Variants in MACC1 observed in about 807,000 individuals in gnomAD.
MACC1 encodes the protein metastasis-associated in colon cancer protein 1.
In MACC1, 79 loss-of-function variants were observed where a neutral mutation model predicts 70.7. That is an observed-to-expected ratio of 1.12 (90% CI 0.93 to 1.35). The LOEUF is 1.35. MACC1 is among the 40% of genes most tolerant of loss of function. The probability of loss-of-function intolerance (pLI) is 0.00; values close to 1 mark genes in which losing one functional copy is unlikely to be tolerated. For synonymous variants in MACC1, 361 were observed against 347.2 expected, an observed-to-expected ratio of 1.04 and a Z score of -0.44; for missense variants, 1,106 against 978.1, an observed-to-expected ratio of 1.13 and a Z score of -1.74.
At chr7:20,203,925 A>G (rs1476478998) in intron 1 of MACC1, among the ~76,000 whole-genome samples, 2 of 152,218 alleles carry the variant, frequency 1.3e-5, no homozygotes, top group Admixed American at 6.5e-5. Context: ...TACCTTCATA[A>G]GCAATGTGGG....
intron 6 of MACC1, among the ~76,000 whole-genome samples, chr7:20,148,363 TA>T (rs1781924942): frequency 6.6e-6 from 1 of 152,202 alleles, no homozygotes; most frequent in South Asian, 2.1e-4. Context: ...GCCATTTTAC[TA>T]AAGTATTGCC....
intron 6 of MACC1, among the ~76,000 whole-genome samples, chr7:20,150,771 G>C (rs550456569): frequency 5.2e-4 from 79 of 152,346 alleles, no homozygotes; most frequent in African/African-American, 1.7e-3. Context: ...AGTGAGGCCA[G>C]AGTGGTGGCT....
chr7:20,177,145 G>C (rs1210321844), intron 1 of MACC1, among the ~76,000 whole-genome samples: 1 of 152,030 alleles, frequency 6.6e-6, no homozygotes, highest in Non-Finnish European at 1.5e-5. Flanking sequence ...AAGGTATATA[G>C]GATTTTGTAC....
chr7:20,202,739 A>C (rs1165247786), intron 1 of MACC1, among the ~76,000 whole-genome samples: 1 of 152,200 alleles, frequency 6.6e-6, no homozygotes, highest in African/African-American at 2.4e-5. Flanking sequence ...TGAACACTTG[A>C]AATCGAGCTA....
chr7:20,160,252 A>T lies in MACC1; in HGVS notation c.116-7T>A, dbSNP rs984754376. Reference sequence around the variant, plus strand: ...AAGTCTGGGTCCTGGCATTCTTGTTATTTAAGGAAAGACAAAGCAAAACAA... The same window carrying T: ...AAGTCTGGGTCCTGGCATTCTTGTTTTTTAAGGAAAGACAAAGCAAAACAA... On this transcript the variant is annotated splice_region_variant and splice_polypyrimidine_tract_variant and intron_variant, in intron 4 of 6. Coordinates refer to ENST00000400331, the MANE Select transcript of MACC1 (RefSeq NM_182762.4). 6.5e-7 allele frequency: 1 copy of T among 1,535,202 alleles called. No homozygotes were observed. Among genetic ancestry groups the T allele is most frequent in the African/African-American group, 1.4e-5 (1 of 71,976 alleles).
chr7:20,180,243 G>C (rs1782481210), intron 1 of MACC1, among the ~76,000 whole-genome samples: 1 of 151,840 alleles, frequency 6.6e-6, no homozygotes, highest in Non-Finnish European at 1.5e-5. Flanking sequence ...AAGAGATTGA[G>C]ACCATCCTGG....
intron 1 of MACC1, among the ~76,000 whole-genome samples, chr7:20,185,758 C>T (rs1337671302): frequency 6.6e-6 from 1 of 152,168 alleles, no homozygotes; most frequent in Non-Finnish European, 1.5e-5. Context: ...ACTGGTCATG[C>T]TTTGTGCAGG....
At position 20,138,840 on chromosome 7, in the gene MACC1, T is replaced by G. The variant is rs1368574767; in HGVS notation, c.*2106A>C. The stretch of plus-strand genomic sequence containing the variant: ...GGCGCCTGCCACCACGCCCGGCTAA[T>G]TTTTTGTATTTTTAGTAGAGACGGG... On this transcript the variant is annotated 3_prime_UTR_variant, in exon 7 of 7. Coordinates refer to ENST00000400331, the MANE Select transcript of MACC1 (RefSeq NM_182762.4). 2 of 152,030 alleles carry G rather than the reference T, an allele frequency of 1.3e-5. No homozygotes were observed. The highest frequency in any genetic ancestry group is 3.2e-3 in the Middle Eastern group (1 of 316). The allele number at this position is 152,030 out of a possible 1,614,324, so 9.4% of individuals were successfully genotyped here. A position where few individuals can be genotyped will look rare whatever the true frequency, so the allele number is the denominator to read the frequency against.
chr7:20,198,500 G>C (rs1216195984), intron 1 of MACC1: 2 of 152,202 alleles, frequency 1.3e-5, no homozygotes, highest in East Asian at 3.8e-4. Flanking sequence ...GGATCAATTG[G>C]CCAATGTAAA....
rs774604949 is a variant in MACC1 at position 20,161,868 on chromosome 7, C to T, written c.-6G>A. ...TTTCTTTCAGTGATTAGCATTTTTCCACCTACAAAGTAAATAGATAAGTAT... is the reference window on the plus strand; with the variant it reads ...TTTCTTTCAGTGATTAGCATTTTTCTACCTACAAAGTAAATAGATAAGTAT... On this transcript the variant is annotated splice_region_variant and 5_prime_UTR_variant, in exon 4 of 7. An upstream open reading frame in the 5' UTR gains an earlier in-frame stop. Coordinates refer to ENST00000400331, the MANE Select transcript of MACC1 (RefSeq NM_182762.4). 2 of 1,578,894 alleles carry T rather than the reference C, an allele frequency of 1.3e-6. No homozygotes were observed. The highest frequency in any genetic ancestry group is 8.7e-7 in the Non-Finnish European group (1 of 1,148,800).
In MACC1 at chr7:20,171,882, G is replaced by A. The variant is rs116952557; in HGVS notation, c.-217-1104C>T. ...TTCAAAATTTCACTTATTTCAACAC[G>A]GTATCAAGTGATGATGTGAGTTACA... On this transcript the variant is annotated intron_variant, in intron 1 of 6. Transcript: ENST00000400331. 8.2e-3 allele frequency among the ~76,000 whole-genome samples: 1,251 copies of A among 152,200 alleles called. 30 individuals are homozygous for A. Among genetic ancestry groups the A allele is most frequent in the Admixed American group, 0.038 (588 of 15,280 alleles).
Position 20,138,550 on chromosome 7 carries a change from TGC to T in MACC1, c.*2394_*2395del, listed in dbSNP as rs1491183210. 6.6e-6 allele frequency: 1 copy of T among 152,004 alleles called. No individual in the cohort carries two copies. Among genetic ancestry groups the T allele is most frequent in the East Asian group, 1.9e-4 (1 of 5,194 alleles). 9.4% of individuals were successfully genotyped at this position (152,004 alleles called of 1,614,324 possible). ...GACTGTGTTCTGAAAGTAAAAACTG[TGC>T]TTTTTTTTCCTTCTCTCATAATTTA... On this transcript the variant is annotated 3_prime_UTR_variant, in exon 7 of 7. Transcript: ENST00000400331.
chr7:20,205,996 G>A (rs1782905906), intron 1 of MACC1, among the ~76,000 whole-genome samples: 1 of 151,812 alleles, frequency 6.6e-6, no homozygotes, highest in Non-Finnish European at 1.5e-5. Context: ...TCTGCCTTTT[G>A]GGATAGTTTC....
Position 20,138,312 on chromosome 7 carries a change from A to G in MACC1, c.*2634T>C, listed in dbSNP as rs1204338802. The G allele has an allele frequency of 1.3e-5, 2 of 152,112 alleles. No individual in the cohort carries two copies. The highest frequency in any genetic ancestry group is 4.8e-5 in the African/African-American group (2 of 41,432). The allele number at this position is 152,112 out of a possible 1,614,324, so 9.4% of individuals were successfully genotyped here. The stretch of plus-strand genomic sequence containing the variant: ...TTTTAAACTCTTATTATTCTCAATC[A>G]CAATCATAATACATGATGCAATGTA... On this transcript the variant is annotated 3_prime_UTR_variant, in exon 7 of 7. Transcript: ENST00000400331.
rs1216518651 is a variant in MACC1 at position 20,136,134 on chromosome 7, T to C, written c.*4812A>G. Reference sequence around the variant, plus strand: ...TAGAGGTCATTTGGTTCAAGTTCCTTGTTTTACTGGTGAGAAAACTGAAGA... The same window carrying C: ...TAGAGGTCATTTGGTTCAAGTTCCTCGTTTTACTGGTGAGAAAACTGAAGA... On this transcript the variant is annotated 3_prime_UTR_variant, in exon 7 of 7. Coordinates refer to ENST00000400331, the MANE Select transcript of MACC1 (RefSeq NM_182762.4). 6.6e-6 allele frequency: 1 copy of C among 152,210 alleles called. No homozygotes were observed. The highest frequency in any genetic ancestry group is 2.4e-5 in the African/African-American group (1 of 41,446). 9.4% of individuals were successfully genotyped at this position (152,210 alleles called of 1,614,324 possible).
intron 1 of MACC1, among the ~76,000 whole-genome samples, chr7:20,179,618 T>C (rs1408915274): frequency 6.6e-6 from 1 of 152,232 alleles, no homozygotes; most frequent in African/African-American, 2.4e-5. Flanking sequence ...GTATTTTCCA[T>C]TTCCTAGGCT....
intron 3 of MACC1, among the ~76,000 whole-genome samples, chr7:20,162,554 C>A (rs1782154057): frequency 6.6e-6 from 1 of 152,018 alleles, no homozygotes; most frequent in Non-Finnish European, 1.5e-5. Context: ...TAAATAGGCT[C>A]TAAGTAAGAC....
chr7:20,143,371 G>T (rs1410186121), intron 6 of MACC1, among the ~76,000 whole-genome samples: 1 of 152,084 alleles, frequency 6.6e-6, no homozygotes, highest in East Asian at 1.9e-4. Flanking sequence ...TTGGCAATTT[G>T]TTGTTGTTGT....
chr7:20,168,169 C>A (rs1782249718), intron 2 of MACC1, among the ~76,000 whole-genome samples: 1 of 151,998 alleles, frequency 6.6e-6, no homozygotes, highest in African/African-American at 2.4e-5. Context: ...AACACACATG[C>A]ACTTCCTTGG....
Sources: allele counts gnomAD v4.1 joint callset (sites outside exome capture counted in the v4.1 genomes callset), GRCh38; gene constraint gnomAD v4.1.1; transcripts MANE v1.5; gene names NCBI Gene and HGNC (gene_info 2026-07-23, HGNC 2026-07-21).